The following PRKN variants were observed in gnomAD, a reference collection of about 807,000 sequenced individuals.
The protein encoded by PRKN is parkin RBR E3 ubiquitin protein ligase.
Under a neutral mutation model 59.5 loss-of-function variants are expected in PRKN, and 56 were observed. The ratio of observed to expected loss-of-function variants is 0.94; its 90% CI spans 0.76 to 1.18. The LOEUF is 1.18. PRKN is among the 50% of genes most tolerant of loss of function. The pLI is 0.00. For missense variants in PRKN, 657 were observed against 596.4 expected (o/e 1.10, Z -1.06); for synonymous variants, 250 against 222.1 (o/e 1.13, Z -1.12).
At chr6:161,611,882 T>C (rs1030790269) in intron 7 of PRKN, among the ~76,000 whole-genome samples, 3 of 152,188 alleles carry the variant, frequency 2.0e-5, no homozygotes, top group Non-Finnish European at 2.9e-5. Flanking sequence ...CCAGGAGCTA[T>C]TGAAGGACAT....
At position 162,188,140 on chromosome 6, in the gene PRKN, C is replaced by T. The variant is rs997055999; in HGVS notation, c.534+12991G>A. Among the ~76,000 whole-genome samples, 18 of 152,156 alleles carry T rather than the reference C, an allele frequency of 1.2e-4. 2 individuals carry two copies. The highest frequency in any genetic ancestry group is 5.9e-5 in the Non-Finnish European group (4 of 68,032). On this transcript the variant is annotated intron_variant, in intron 4 of 11. Transcript: ENST00000366898. ...TTGCTCCTTCGTGCCTCTCACCTTC[C>T]ACCAGAAGTGTGAGGCCTCCCCAGC... is the stretch of plus-strand genomic sequence containing the variant.
Position 161,386,835 on chromosome 6 carries a change from C to T in PRKN, c.1126G>A (p.Glu376Lys). 2 of 1,614,094 alleles carry T rather than the reference C, an allele frequency of 1.2e-6. No individual in the cohort carries two copies. The highest frequency in any genetic ancestry group is 1.7e-6 in the Non-Finnish European group (2 of 1,179,964). The part of the protein sequence containing the change: ...RECKEAYHEG[E>K]CSAVFEASGT... ...GAGGCTTCAAATACGGCACTGCACT[C>T]CCCTTCATGGTACGCTTCTTTACAT... Residue 376 changes from glutamate (E) to lysine (K), a missense_variant, in exon 10 of 12, where the codon GAG (glutamate) becomes AAG (lysine). Transcript: ENST00000366898. The surrounding 1 kb of genome is among the most constrained non-coding windows in gnomAD (Gnocchi z 4.3).
At chr6:162,243,288 G>A (rs1166135581) in intron 3 of PRKN, among the ~76,000 whole-genome samples, 4 of 152,146 alleles carry the variant, frequency 2.6e-5, no homozygotes, top group African/African-American at 9.7e-5. Context: ...CTAAGAAGTT[G>A]TATAGCAGTC....
rs1372616788 is a variant in PRKN at position 161,538,805 on chromosome 6, C to T, written c.1083+10049G>A. On this transcript the variant is annotated intron_variant, in intron 9 of 11. Transcript: ENST00000366898. This position sits in a 1 kb window ranked among gnomAD's most constrained non-coding sequence, Gnocchi z 4.2. ...CTTGTAGAGAGATTTGATTGAATAA[C>T]TGATCGACTTAGCCTTTCCCAGTGG... 6.6e-6 allele frequency among the ~76,000 whole-genome samples: 1 copy of T among 152,212 alleles called. No homozygotes were observed. The highest frequency in any genetic ancestry group is 6.5e-5 in the Admixed American group (1 of 15,280).
chr6:161,777,820 ATATATGTATATG>A (rs1451293653), intron 7 of PRKN, among the ~76,000 whole-genome samples: 41 of 136,138 alleles, frequency 3.0e-4, no homozygotes, highest in African/African-American at 1.3e-3. Context: ...ATATATGTGT[ATATATGTATATG>A]TATACGTATA....
At chr6:161,367,744 G>A (rs1328090538) in intron 10 of PRKN, among the ~76,000 whole-genome samples, 3 of 152,158 alleles carry the variant, frequency 2.0e-5, no homozygotes, top group East Asian at 3.9e-4. Flanking sequence ...CGGCGGGTCC[G>A]AGACCCTGCT....
chr6:161,433,282 C>T (rs1355775786), intron 9 of PRKN, among the ~76,000 whole-genome samples: 1 of 152,158 alleles, frequency 6.6e-6, no homozygotes, highest in Non-Finnish European at 1.5e-5. Context: ...CAGTATGCGT[C>T]CGCGGCATCT....
At chr6:162,383,940 A>G (rs1274255479) in intron 2 of PRKN, among the ~76,000 whole-genome samples, 1 of 152,104 alleles carries the variant, frequency 6.6e-6, no homozygotes, top group African/African-American at 2.4e-5. Context: ...ACTACCTTCA[A>G]ATGTTTCTTG....
chr6:162,325,947 T>C (rs188859593), intron 2 of PRKN, among the ~76,000 whole-genome samples: 66 of 152,282 alleles, frequency 4.3e-4, no homozygotes, highest in South Asian at 1.2e-3. Flanking sequence ...TCCGTGGTCA[T>C]GTCTAATGGT....
intron 5 of PRKN, 40 bp downstream of exon 5, chr6:162,054,051 T>C (rs1438957012): frequency 7.9e-7 from 1 of 1,264,060 alleles, no homozygotes; most frequent in South Asian, 1.2e-5. Context: ...ATGTCATCAT[T>C]TTCTTGCAAT....
chr6:162,034,186 T>TAGAGAGAG (rs71643580), intron 5 of PRKN, among the ~76,000 whole-genome samples: 1,462 of 133,268 alleles, frequency 0.011, 14 homozygotes, highest in African/African-American at 0.019. Flanking sequence ...TATATATATA[T>TAGAGAGAG]AGAGAGAGAG....
intron 5 of PRKN, among the ~76,000 whole-genome samples, chr6:162,036,318 C>T (rs535346233): frequency 2.6e-5 from 4 of 151,622 alleles, no homozygotes; most frequent in East Asian, 2.0e-4. Context: ...AGCGAGACCC[C>T]GTCTCAAAAC....
At chr6:162,546,655 G>A (rs1034177272) in intron 1 of PRKN, among the ~76,000 whole-genome samples, 6 of 151,890 alleles carry the variant, frequency 4.0e-5, no homozygotes, top group African/African-American at 1.5e-4. Flanking sequence ...TGCTGGCCAG[G>A]ATGGTCTCGA....
chr6:161,977,108 T>C (rs1201854522), intron 5 of PRKN, among the ~76,000 whole-genome samples: 1 of 152,230 alleles, frequency 6.6e-6, no homozygotes, highest in African/African-American at 2.4e-5. Flanking sequence ...AAGAATGTTT[T>C]TGTTGTAGTA....
chr6:162,508,503 G>C (rs534839739), intron 1 of PRKN, among the ~76,000 whole-genome samples: 1 of 152,258 alleles, frequency 6.6e-6, no homozygotes, highest in South Asian at 2.1e-4. Flanking sequence ...GAGTCAATTT[G>C]TTTTCTGACA....
chr6:162,372,486 A>C (rs1785820104), intron 2 of PRKN, among the ~76,000 whole-genome samples: 1 of 152,184 alleles, frequency 6.6e-6, no homozygotes, highest in African/African-American at 2.4e-5. Flanking sequence ...GAAGAAAAAT[A>C]ACTTCCGAGA....
At chr6:161,758,808 A>G (rs1789060398) in intron 7 of PRKN, among the ~76,000 whole-genome samples, 1 of 152,218 alleles carries the variant, frequency 6.6e-6, no homozygotes, top group Admixed American at 6.5e-5. Context: ...ATTCAGTCTC[A>G]GGTCTGTCTG....
At chr6:162,017,674 A>G (rs924958048) in intron 5 of PRKN, among the ~76,000 whole-genome samples, 3 of 152,186 alleles carry the variant, frequency 2.0e-5, no homozygotes, top group African/African-American at 7.2e-5. Context: ...TTTGTATCTA[A>G]TTAATTCAGA....
In PRKN at chr6:161,545,188, T is replaced by C. The variant is rs765134458; in HGVS notation, c.1083+3666A>G. 6 of 1,372,754 alleles carry C rather than the reference T, an allele frequency of 4.4e-6. No individual in the cohort carries two copies. Among genetic ancestry groups the C allele is most frequent in the Non-Finnish European group, 5.6e-6 (6 of 1,065,472 alleles). The allele number at this position is 1,372,754 out of a possible 1,614,324, so 85.0% of individuals were successfully genotyped here. The stretch of plus-strand genomic sequence containing the variant: ...TCTTGCATACCCACATGGTAAGAGT[T>C]GTACTTTTTCTATCTTGATAATTGA... On this transcript the variant is annotated intron_variant, in intron 9 of 11. Transcript: ENST00000366898. This position sits in a 1 kb window ranked among gnomAD's most constrained non-coding sequence, Gnocchi z 4.1.
Sources: gnomAD v4.1 joint callset for allele counts (sites outside exome capture counted in the v4.1 genomes callset) on GRCh38, gnomAD v4.1.1 for gene constraint, Gnocchi (gnomAD v3.1) non-coding constraint, MANE v1.5 for transcripts, NCBI Gene and HGNC (gene_info 2026-07-23, HGNC 2026-07-21) for gene names.